PHKG2: variants seen among roughly 807,000 people sequenced by gnomAD.
PHKG2 encodes phosphorylase b kinase gamma catalytic chain, liver/testis isoform.
PHKG2 carries 28 observed loss-of-function variants against 44.5 expected under a neutral mutation model. That is an observed-to-expected ratio of 0.63 (90% CI 0.47 to 0.86). The LOEUF (loss-of-function observed/expected upper bound fraction) is 0.86. Among genes scored for constraint, PHKG2 ranks in the 40% least tolerant of loss-of-function variants. The pLI, the probability that PHKG2 is intolerant of heterozygous loss-of-function variation, is 0.00. For missense variants in PHKG2, 498 were observed against 547.5 expected, an observed-to-expected ratio of 0.91 and a Z score of 0.90; for synonymous variants, 220 against 211.2, an observed-to-expected ratio of 1.04 and a Z score of -0.36.
rs1293315094 is a variant in PHKG2, at chr16:30,760,055, A to G, written c.*2958A>G. On this transcript the variant is annotated 3_prime_UTR_variant, in exon 10 of 10. Coordinates refer to ENST00000563588, the MANE Select transcript of PHKG2 (RefSeq NM_000294.3). ...GCAGGTGTTATTGTGCACTATGCATATATTTGCATATATTATTTCTCAGAA... is the reference window on the plus strand; with the variant it reads ...GCAGGTGTTATTGTGCACTATGCATGTATTTGCATATATTATTTCTCAGAA... The G allele has an allele frequency of 6.5e-7, 1 of 1,526,772 alleles. No individual in the cohort carries two copies. Among genetic ancestry groups the G allele is most frequent in the African/African-American group, 1.4e-5 (1 of 72,616 alleles). The allele number at this position is 1,526,772 out of a possible 1,614,324, so 94.6% of individuals were successfully genotyped here.
At position 30,751,276 on chromosome 16, in the gene PHKG2, A is replaced by G; in HGVS notation, c.266A>G (p.His89Arg). Residue 89 changes from histidine (H) to arginine (R), a missense_variant, in exon 3 of 10, where the codon CAC becomes CGC. His to Arg is a conservative substitution (Grantham distance 29). Transcript: ENST00000563588. ...HILRQVAGHPHIITLIDSYES... is the reference protein window; with the variant it reads ...HILRQVAGHPRIITLIDSYES... ...CTTCGCCAGGTCGCCGGCCACCCCCACATCAGTGAGGCTGTCTTCCTTGCT... is the reference window on the plus strand; with the variant it reads ...CTTCGCCAGGTCGCCGGCCACCCCCGCATCAGTGAGGCTGTCTTCCTTGCT... 3.1e-6 allele frequency: 5 copies of G among 1,609,124 alleles called. No homozygotes were observed. The highest frequency in any genetic ancestry group is 1.7e-6 in the Non-Finnish European group (2 of 1,179,936).
At position 30,760,655 on chromosome 16, in the gene PHKG2, C is replaced by G; in HGVS notation, c.*3558C>G. ...TTCTCCAGCTGGTGCATGGAATGGA[C>G]GTCCAGGTACTTCCTGTTATAGTAA... is the stretch of plus-strand genomic sequence containing the variant. On this transcript the variant is annotated 3_prime_UTR_variant, in exon 10 of 10. Coordinates refer to ENST00000563588, the MANE Select transcript of PHKG2 (RefSeq NM_000294.3). 6.4e-7 allele frequency: 1 copy of G among 1,551,746 alleles called. No individual in the cohort carries two copies. The highest frequency in any genetic ancestry group is 1.4e-5 in the African/African-American group (1 of 71,618).
intron 2 of PHKG2, 59 bp from the exon 3 acceptor site, chr16:30,751,047 G>A (rs1237814704): frequency 4.5e-6 from 7 of 1,560,900 alleles, no homozygotes; most frequent in African/African-American, 2.7e-5. Flanking sequence ...TGAGGCCCCA[G>A]CCTGTGCGGA....
chr16:30,752,710 C>T (rs1379428994), intron 4 of PHKG2: 1 of 186,528 alleles, frequency 5.4e-6, no homozygotes, highest in Non-Finnish European at 1.1e-5. Flanking sequence ...TTATGCCATC[C>T]TGCAGCCATG....
intron 3 of PHKG2, 113 bp downstream of exon 3, chr16:30,751,394 C>G: frequency 1.5e-6 from 2 of 1,348,310 alleles, no homozygotes; most frequent in Non-Finnish European, 2.1e-6. Flanking sequence ...CTTCATTCCA[C>G]TAAAGAGTGG....
intron 6 of PHKG2, among the ~76,000 whole-genome samples, chr16:30,755,681 A>G (rs1420751952): frequency 1.3e-5 from 2 of 152,198 alleles, no homozygotes; most frequent in African/African-American, 4.8e-5. Context: ...ATCTCCAAAA[A>G]AAAAAGAAAA....
At chr16:30,749,207 GT>G (rs1266518888) in intron 2 of PHKG2, among the ~76,000 whole-genome samples, 14 of 124,450 alleles carry the variant, frequency 1.1e-4, no homozygotes, top group South Asian at 9.7e-4. Context: ...TGGTGGTGGT[GT>G]GTGTGTGTGT....
At position 30,748,918 on chromosome 16, in the gene PHKG2, A is replaced by G. The variant is rs557785687; in HGVS notation, c.95+3A>G. ...GACCCTAAGGACGTCATCGGCAGGT[A>G]AGGCCGCGGCCAGGGAAACGGAGGT... On this transcript the variant is annotated splice_donor_region_variant and intron_variant, in intron 2 of 9. Coordinates refer to ENST00000563588, the MANE Select transcript of PHKG2 (RefSeq NM_000294.3). 1.5e-5 allele frequency: 23 copies of G among 1,550,542 alleles called. No individual in the cohort carries two copies. Among genetic ancestry groups the G allele is most frequent in the Non-Finnish European group, 2.0e-5 (23 of 1,146,050 alleles).
In PHKG2 at chr16:30,757,110, A is replaced by G; in HGVS notation, c.*13A>G. ...TGTGCTGGGCTAGGACCTCAACCCCAGGGATTCCCAGGAAGCAGAACTCTC... is the reference window on the plus strand; with the variant it reads ...TGTGCTGGGCTAGGACCTCAACCCCGGGGATTCCCAGGAAGCAGAACTCTC... On this transcript the variant is annotated 3_prime_UTR_variant, in exon 10 of 10. Coordinates refer to ENST00000563588, the MANE Select transcript of PHKG2 (RefSeq NM_000294.3). 1 of 1,612,830 alleles carries G rather than the reference A, an allele frequency of 6.2e-7. No individual in the cohort carries two copies. Among genetic ancestry groups the G allele is most frequent in the Non-Finnish European group, 8.5e-7 (1 of 1,180,008 alleles).
At chr16:30,754,740 A>C (rs918830506) in intron 6 of PHKG2, 15 of 398,752 alleles carry the variant, frequency 3.8e-5, no homozygotes, top group Non-Finnish European at 6.7e-5. Context: ...TGCCCACTGC[A>C]TCCTCTCCTT....
intron 2 of PHKG2, among the ~76,000 whole-genome samples, chr16:30,750,747 G>A (rs2053332946): frequency 2.7e-5 from 4 of 148,600 alleles, no homozygotes; most frequent in Admixed American, 6.8e-5. Context: ...GGGTAATCAG[G>A]CAAGTGTAAG....
chr16:30,758,906 AG>A lies in PHKG2; in HGVS notation c.*1811del. On this transcript the variant is annotated 3_prime_UTR_variant, in exon 10 of 10. Coordinates refer to ENST00000563588, the MANE Select transcript of PHKG2 (RefSeq NM_000294.3). The stretch of plus-strand genomic sequence containing the variant: ...TCTGCATAAGGGATCATTTAGAGAA[AG>A]GACTCTGACTAAAAACAAAAAGTCT... 1.3e-6 allele frequency: 2 copies of A among 1,520,812 alleles called. No individual in the cohort carries two copies. The highest frequency in any genetic ancestry group is 1.8e-6 in the Non-Finnish European group (2 of 1,138,532). 94.2% of individuals were successfully genotyped at this position (1,520,812 alleles called of 1,614,324 possible).
intron 2 of PHKG2, among the ~76,000 whole-genome samples, chr16:30,750,395 A>C (rs146573711): frequency 6.6e-6 from 1 of 152,278 alleles, no homozygotes; most frequent in Non-Finnish European, 1.5e-5. Flanking sequence ...CAGCCAGGGA[A>C]CCAGGATAAG....
intron 2 of PHKG2, among the ~76,000 whole-genome samples, chr16:30,749,843 G>A (rs2151306277): frequency 6.6e-6 from 1 of 152,304 alleles, no homozygotes; most frequent in East Asian, 1.9e-4. Flanking sequence ...GCACGTGAAC[G>A]TTAAAAAGGC....
In PHKG2 at chr16:30,757,648, A is replaced by C; in HGVS notation, c.*551A>C. 6.2e-7 allele frequency: 1 copy of C among 1,612,004 alleles called. No homozygotes were observed. Among genetic ancestry groups the C allele is most frequent in the Non-Finnish European group, 8.5e-7 (1 of 1,178,648 alleles). On this transcript the variant is annotated 3_prime_UTR_variant, in exon 10 of 10. Transcript: ENST00000563588. ...CTTGATGTAGGCTCGGAGGACGTGG[A>C]TGTGGCCTGCAGGGGCAGGGAAGAA...
Position 30,753,471 on chromosome 16 carries a change from AG to A in PHKG2, c.471del (p.Asn158IlefsTer4), listed in dbSNP as rs773199410. ...ATTGTGCATCGAGATCTGAAGCCCG[AG>A]AATATTCTCCTAGATGACAATATGC... The part of the protein sequence containing the change: ...NNIVHRDLKP[E>X]NILLDDNMQI... On this transcript the variant is annotated frameshift_variant, in exon 6 of 10. Transcript: ENST00000563588. LOFTEE classifies it high-confidence loss of function. 6.2e-7 allele frequency: 1 copy of A among 1,614,140 alleles called. No individual in the cohort carries two copies. Among genetic ancestry groups the A allele is most frequent in the African/African-American group, 1.3e-5 (1 of 75,042 alleles).
Position 30,757,352 on chromosome 16 carries a change from C to G in PHKG2, c.*255C>G. ...ACTGCATATGAAATAAAATCTGCTACACGCCAGGGAGAACAGGTGTCCTGT... is the reference window on the plus strand; with the variant it reads ...ACTGCATATGAAATAAAATCTGCTAGACGCCAGGGAGAACAGGTGTCCTGT... On this transcript the variant is annotated 3_prime_UTR_variant, in exon 10 of 10. Coordinates refer to ENST00000563588, the MANE Select transcript of PHKG2 (RefSeq NM_000294.3). 3.3e-6 allele frequency: 5 copies of G among 1,532,244 alleles called. No individual in the cohort carries two copies. Among genetic ancestry groups the G allele is most frequent in the Non-Finnish European group, 4.4e-6 (5 of 1,142,768 alleles). 94.9% of individuals were successfully genotyped at this position (1,532,244 alleles called of 1,614,324 possible).
Position 30,757,194 on chromosome 16 carries a change from C to G in PHKG2, c.*97C>G, listed in dbSNP as rs756251216. 187 of 1,597,310 alleles carry G rather than the reference C, an allele frequency of 1.2e-4. No homozygotes were observed. The highest frequency in any genetic ancestry group is 1.6e-4 in the Non-Finnish European group (186 of 1,178,392). ...GGGCTCTGGCCTCTGGCCTCAGGCC[C>G]ACTAATGATCCTGCTACCCTCTTGA... is the stretch of plus-strand genomic sequence containing the variant. On this transcript the variant is annotated 3_prime_UTR_variant, in exon 10 of 10. Transcript: ENST00000563588.
Position 30,760,469 on chromosome 16 carries a change from G to C in PHKG2, c.*3372G>C. On this transcript the variant is annotated 3_prime_UTR_variant, in exon 10 of 10. Transcript: ENST00000563588. ...AGCCAGCACCCTTGGGAGGGAGAGA[G>C]GAGTGAGTGACAACTGGGCCTCCTT... is the stretch of plus-strand genomic sequence containing the variant. 1 of 1,613,346 alleles carries C rather than the reference G, an allele frequency of 6.2e-7. No individual in the cohort carries two copies. The highest frequency in any genetic ancestry group is 1.1e-5 in the South Asian group (1 of 91,082).
Sources: gnomAD v4.1 joint callset for allele counts (sites outside exome capture counted in the v4.1 genomes callset) on GRCh38, gnomAD v4.1.1 for gene constraint, MANE v1.5 for transcripts, NCBI Gene and HGNC (gene_info 2026-07-23, HGNC 2026-07-21) for gene names.